Variants in SLC35F4 observed in about 807,000 individuals in gnomAD.
The protein encoded by SLC35F4 is chromosome 14 open reading frame 36.
Under a neutral mutation model 44.2 loss-of-function variants are expected in SLC35F4, and 24 were observed. The ratio of observed to expected loss-of-function variants is 0.54; its 90% CI spans 0.39 to 0.76. SLC35F4 has a LOEUF of 0.76. SLC35F4 is among the 30% of genes least tolerant of loss of function. The probability of loss-of-function intolerance (pLI) is 0.00; values close to 1 mark genes in which losing one functional copy is unlikely to be tolerated. For synonymous variants in SLC35F4, 238 were observed against 223.6 expected (o/e 1.06, Z -0.57); for missense variants, 562 against 586.1 (o/e 0.96, Z 0.42).
At chr14:57,876,583 C>T (rs928994800) in intron 1 of SLC35F4, among the ~76,000 whole-genome samples, 2 of 152,116 alleles carry the variant, frequency 1.3e-5, no homozygotes, top group Admixed American at 1.3e-4. Context: ...AAATAAGTTA[C>T]TTCTTATAAA....
intron 1 of SLC35F4, among the ~76,000 whole-genome samples, chr14:57,930,491 A>C (rs1331486940): frequency 1.3e-5 from 2 of 151,812 alleles, no homozygotes; most frequent in Non-Finnish European, 2.9e-5. Flanking sequence ...TTGATTCATC[A>C]CTCACTTCTC....
rs537292555 is a variant in SLC35F4, at chr14:57,659,577, A to T, written c.104-65453T>A. Among the ~76,000 whole-genome samples, 9 of 152,272 alleles carry T rather than the reference A, an allele frequency of 5.9e-5. No homozygotes were observed. The South Asian group carries it at 1.9e-3, about 32-fold the overall frequency. ...TATAGATGAGGAAACCAAGGCATAG[A>T]GGGTAAAGTATCTTGTCCAAGGTCA... On this transcript the variant is annotated intron_variant, in intron 1 of 7. Transcript: ENST00000556826.
chr14:57,705,233 A>G (rs1461053938), intron 1 of SLC35F4, among the ~76,000 whole-genome samples: 1 of 152,192 alleles, frequency 6.6e-6, no homozygotes, highest in Admixed American at 6.5e-5. Context: ...CCTACTGCAA[A>G]TGGAATCAAA....
At chr14:57,690,470 G>A (rs1489338642) in intron 1 of SLC35F4, among the ~76,000 whole-genome samples, 1 of 152,040 alleles carries the variant, frequency 6.6e-6, no homozygotes, top group Non-Finnish European at 1.5e-5. Context: ...TTCTATACCA[G>A]CAGTCCCCAA....
chr14:57,786,817 AC>A lies in SLC35F4; in HGVS notation c.103+78905del, dbSNP rs1261366126. Reference sequence around the variant, plus strand: ...ACAGAGCCTGCCCAAATGAGAAGGAACCAGAAAACCAACCCTGGTAATATGA... The same window carrying A: ...ACAGAGCCTGCCCAAATGAGAAGGAACAGAAAACCAACCCTGGTAATATGA... On this transcript the variant is annotated intron_variant, in intron 1 of 7. Coordinates refer to ENST00000556826, the MANE Select transcript of SLC35F4 (RefSeq NM_001306087.2). Among the ~76,000 whole-genome samples, 4 of 152,302 alleles carry A rather than the reference AC, an allele frequency of 2.6e-5. No individual in the cohort carries two copies. In the East Asian group the frequency reaches 7.7e-4, roughly 29 times the overall value.
intron 3 of SLC35F4, among the ~76,000 whole-genome samples, chr14:57,587,870 C>CAAAAAAAAAA (rs60521934): frequency 4.8e-5 from 6 of 125,008 alleles, no homozygotes; most frequent in African/African-American, 9.1e-5. Context: ...ATGCACCTTC[C>CAAAAAAAAAA]AAAAAAAAAA....
At chr14:57,742,658 G>T (rs2076643314) in intron 1 of SLC35F4, among the ~76,000 whole-genome samples, 1 of 152,160 alleles carries the variant, frequency 6.6e-6, no homozygotes, top group Non-Finnish European at 1.5e-5. Flanking sequence ...ACATTAGACA[G>T]ATCAACAAGA....
At chr14:57,653,562 T>TA (rs2073860835) in intron 1 of SLC35F4, among the ~76,000 whole-genome samples, 1 of 152,198 alleles carries the variant, frequency 6.6e-6, no homozygotes, top group Non-Finnish European at 1.5e-5. Context: ...GCTCTGGGTC[T>TA]TTGACATACT....
At chr14:57,784,789 C>T (rs1405070283) in intron 1 of SLC35F4, among the ~76,000 whole-genome samples, 1 of 152,110 alleles carries the variant, frequency 6.6e-6, no homozygotes, top group Non-Finnish European at 1.5e-5. Context: ...TCTTGCCTCC[C>T]CTTCCACCTC....
At chr14:57,758,771 CAT>C (rs1050133254) in intron 1 of SLC35F4, among the ~76,000 whole-genome samples, 2 of 152,094 alleles carry the variant, frequency 1.3e-5, no homozygotes, top group African/African-American at 4.8e-5. Flanking sequence ...AAACCCTTAA[CAT>C]GAGATATACT....
intron 1 of SLC35F4, among the ~76,000 whole-genome samples, chr14:57,746,985 C>A (rs1317598520): frequency 6.6e-6 from 1 of 152,120 alleles, no homozygotes; most frequent in African/African-American, 2.4e-5. Context: ...TGGAAGAAAT[C>A]CTAAGCACAG....
chr14:57,783,974 A>G (rs866677754), intron 1 of SLC35F4, among the ~76,000 whole-genome samples: 7 of 152,266 alleles, frequency 4.6e-5, no homozygotes, highest in African/African-American at 1.7e-4. Context: ...TGTGAAGGCC[A>G]TCAAGCTCAA....
At chr14:57,979,741 A>G (rs1225111204) in intron 1 of SLC35F4, among the ~76,000 whole-genome samples, 2 of 152,230 alleles carry the variant, frequency 1.3e-5, no homozygotes, top group Admixed American at 1.3e-4. Flanking sequence ...AGAATTGAGC[A>G]GCAATCAGCA....
chr14:57,774,660 C>A (rs530323600), intron 1 of SLC35F4, among the ~76,000 whole-genome samples: 1 of 152,316 alleles, frequency 6.6e-6, no homozygotes, highest in South Asian at 2.1e-4. Flanking sequence ...TGCAGTACAG[C>A]CCCTGGGGGC....
chr14:57,700,900 T>C (rs942103262), intron 1 of SLC35F4, among the ~76,000 whole-genome samples: 1 of 152,120 alleles, frequency 6.6e-6, no homozygotes, highest in Non-Finnish European at 1.5e-5. Flanking sequence ...AGTGAGACCC[T>C]GTGTCAAACA....
In SLC35F4 at chr14:57,747,383, T is replaced by G. The variant is rs533222927; in HGVS notation, c.103+118340A>C. Among the ~76,000 whole-genome samples the G allele has an allele frequency of 9.8e-5, 15 of 152,308 alleles. No individual in the cohort carries two copies. In the South Asian group the frequency reaches 1.0e-3, roughly 11 times the overall value. On this transcript the variant is annotated intron_variant, in intron 1 of 7. Transcript: ENST00000556826. ...AATAAACATAACCAAAAGATTGGACTATGTCTTAAGTATATTACTAAGGGT... is the reference window on the plus strand; with the variant it reads ...AATAAACATAACCAAAAGATTGGACGATGTCTTAAGTATATTACTAAGGGT...
intron 1 of SLC35F4, among the ~76,000 whole-genome samples, chr14:57,797,066 C>T (rs180954952): frequency 3.3e-5 from 5 of 152,290 alleles, no homozygotes; most frequent in African/African-American, 9.6e-5. Context: ...CAGAAGCATG[C>T]CCCAAAATGC....
At chr14:57,817,277 G>C (rs1437443640) in intron 1 of SLC35F4, among the ~76,000 whole-genome samples, 1 of 152,146 alleles carries the variant, frequency 6.6e-6, no homozygotes, top group African/African-American at 2.4e-5. Flanking sequence ...GCCCTGATAA[G>C]AGTGGGCCCT....
chr14:57,607,021 C>T (rs889299154), intron 1 of SLC35F4, among the ~76,000 whole-genome samples: 1 of 152,068 alleles, frequency 6.6e-6, no homozygotes, highest in Non-Finnish European at 1.5e-5. Flanking sequence ...TTTTATGGTC[C>T]AGCAGGGGAA....
Sources: allele counts gnomAD v4.1 joint callset (sites outside exome capture counted in the v4.1 genomes callset), GRCh38; gene constraint gnomAD v4.1.1; transcripts MANE v1.5; gene names NCBI Gene and HGNC (gene_info 2026-07-23, HGNC 2026-07-21).